KANSL1L: variants seen among roughly 807,000 people sequenced by gnomAD.
KANSL1L encodes KAT8 regulatory NSL complex subunit 1 like, also known as KAT8 regulatory NSL complex subunit 1-like protein.
KANSL1L carries 25 observed loss-of-function variants against 108.6 expected under a neutral mutation model. That is an observed-to-expected ratio of 0.23 (90% CI 0.17 to 0.32). The LOEUF (loss-of-function observed/expected upper bound fraction) is 0.32. Among genes scored for constraint, KANSL1L ranks in the 10% least tolerant of loss-of-function variants. The pLI, the probability that KANSL1L is intolerant of heterozygous loss-of-function variation, is 1.00. For missense variants in KANSL1L, 1,137 were observed against 1,125.7 expected (o/e 1.01, Z -0.14); for synonymous variants, 405 against 395.1 (o/e 1.03, Z -0.30).
At chr2:210,119,560 T>C (rs914899176) in intron 3 of KANSL1L, among the ~76,000 whole-genome samples, 2 of 152,134 alleles carry the variant, frequency 1.3e-5, no homozygotes, top group Admixed American at 6.5e-5. Context: ...ATCTGATAGA[T>C]CATATCAACA....
chr2:210,042,081 C>T (rs907082512), intron 7 of KANSL1L, among the ~76,000 whole-genome samples: 2 of 152,168 alleles, frequency 1.3e-5, no homozygotes, highest in Admixed American at 6.5e-5. Flanking sequence ...GAGAGTATCA[C>T]CAATTCTACC....
intron 2 of KANSL1L, among the ~76,000 whole-genome samples, chr2:210,148,712 A>G (rs1255389762): frequency 1.3e-5 from 2 of 152,206 alleles, no homozygotes; most frequent in African/African-American, 4.8e-5. Context: ...ATTGCCTACT[A>G]CATTTTTGGA....
chr2:210,023,903 A>G (rs940034275), intron 14 of KANSL1L, 130 bp downstream of exon 14: 7 of 546,914 alleles, frequency 1.3e-5, no homozygotes, highest in Admixed American at 7.8e-5. Flanking sequence ...TGCAATACAG[A>G]TCTTCTATAC....
chr2:210,144,779 T>G (rs1302050327), intron 2 of KANSL1L, among the ~76,000 whole-genome samples: 1 of 152,220 alleles, frequency 6.6e-6, no homozygotes, highest in Non-Finnish European at 1.5e-5. Context: ...CTTAAAAGAA[T>G]CATTTTGAAT....
chr2:210,168,979 T>C (rs1688162599), intron 1 of KANSL1L, among the ~76,000 whole-genome samples: 1 of 152,096 alleles, frequency 6.6e-6, no homozygotes, highest in Admixed American at 6.5e-5. Context: ...AAAAGATACA[T>C]CACAGATTAG....
At chr2:210,161,552 C>T (rs2095361580) in intron 1 of KANSL1L, among the ~76,000 whole-genome samples, 1 of 152,098 alleles carries the variant, frequency 6.6e-6, no homozygotes, top group Admixed American at 6.5e-5. Flanking sequence ...AAGCATTATT[C>T]ACAAAAAGTT....
rs537143351 is a variant in KANSL1L at position 210,144,904 on chromosome 2, C to T, written c.1088+8591G>A. ...GCTTTTCACGTTGCTTGTTACTTTG[C>T]ATTAATGTCTGCATAGTTGATGAAG... On this transcript the variant is annotated intron_variant, in intron 2 of 14. Transcript: ENST00000281772. 7.2e-5 allele frequency among the ~76,000 whole-genome samples: 11 copies of T among 152,222 alleles called. No homozygotes were observed. In the South Asian group the frequency reaches 2.3e-3, roughly 32 times the overall value.
intron 1 of KANSL1L, among the ~76,000 whole-genome samples, chr2:210,156,407 T>C (rs959281788): frequency 1.3e-5 from 2 of 152,038 alleles, no homozygotes; most frequent in Non-Finnish European, 2.9e-5. Flanking sequence ...TGGCAAAACA[T>C]CCTTTCAAAA....
chr2:210,056,957 T>C (rs1304611867), intron 6 of KANSL1L, among the ~76,000 whole-genome samples: 1 of 152,196 alleles, frequency 6.6e-6, no homozygotes, highest in Admixed American at 6.5e-5. Context: ...ACAAATTTCT[T>C]CAATCCCTGT....
intron 1 of KANSL1L, among the ~76,000 whole-genome samples, chr2:210,156,994 A>T (rs1208386007): frequency 6.6e-6 from 1 of 151,780 alleles, no homozygotes; most frequent in Non-Finnish European, 1.5e-5. Context: ...ATGCAAAAAA[A>T]AAAAGAAAAA....
chr2:210,123,089 G>A (rs979768461), intron 3 of KANSL1L, among the ~76,000 whole-genome samples: 2 of 152,080 alleles, frequency 1.3e-5, no homozygotes, highest in African/African-American at 4.8e-5. Flanking sequence ...ACTGGTGGTG[G>A]GAATGTATAT....
chr2:210,076,245 G>A (rs570113222), intron 5 of KANSL1L, among the ~76,000 whole-genome samples: 6 of 152,016 alleles, frequency 3.9e-5, no homozygotes, highest in South Asian at 2.1e-4. Context: ...GCAGTGGTGC[G>A]ATCTCGGTTC....
intron 3 of KANSL1L, among the ~76,000 whole-genome samples, chr2:210,126,453 A>C (rs1278092642): frequency 6.6e-6 from 1 of 152,154 alleles, no homozygotes; most frequent in East Asian, 1.9e-4. Flanking sequence ...TATAGACAGA[A>C]AAAAAACTTA....
chr2:210,098,745 A>G (rs1221253054), intron 4 of KANSL1L, among the ~76,000 whole-genome samples: 1 of 152,138 alleles, frequency 6.6e-6, no homozygotes, highest in Non-Finnish European at 1.5e-5. Flanking sequence ...ATGAAATAGA[A>G]CTAGGATTCA....
intron 6 of KANSL1L, among the ~76,000 whole-genome samples, chr2:210,065,240 G>A (rs909793753): frequency 1.9e-4 from 25 of 128,618 alleles, no homozygotes; most frequent in Non-Finnish European, 3.0e-4. Flanking sequence ...GCAGTGAGCC[G>A]AGATCGCACC....
chr2:210,036,745 C>A lies in KANSL1L; in HGVS notation c.2029+3675G>T, dbSNP rs533227081. ...GCATTCCCCTTAATTGTGTGCCTAACACGTTTAACTGCCTTATTTTATTTT... is the reference window on the plus strand; with the variant it reads ...GCATTCCCCTTAATTGTGTGCCTAAAACGTTTAACTGCCTTATTTTATTTT... On this transcript the variant is annotated intron_variant, in intron 8 of 14. Transcript: ENST00000281772. Among the ~76,000 whole-genome samples, 6 of 152,172 alleles carry A rather than the reference C, an allele frequency of 3.9e-5. No individual in the cohort carries two copies. The East Asian group carries it at 5.8e-4, about 15-fold the overall frequency.
Position 210,161,751 on chromosome 2 carries a change from T to C in KANSL1L, c.-29-7140A>G, listed in dbSNP as rs574421004. ...TTCAGATTAATGCTGAATAGTGGTT[T>C]TGACCATGACATAGCTTTAAATTTT... is the stretch of plus-strand genomic sequence containing the variant. On this transcript the variant is annotated intron_variant, in intron 1 of 14. Transcript: ENST00000281772. Among the ~76,000 whole-genome samples the C allele has an allele frequency of 6.4e-4, 97 of 152,348 alleles. 3 individuals carry two copies. In the South Asian group the frequency reaches 0.019, roughly 30 times the overall value.
chr2:210,146,721 A>C (rs17819983), intron 2 of KANSL1L, among the ~76,000 whole-genome samples: 72,255 of 152,034 alleles, frequency 0.48, 19,686 homozygotes, highest in Middle Eastern at 0.61. Context: ...TATTTACTTG[A>C]TCATCCTCAG....
chr2:210,023,506 T>C (rs1207668327), intron 14 of KANSL1L, among the ~76,000 whole-genome samples: 1 of 152,236 alleles, frequency 6.6e-6, no homozygotes, highest in East Asian at 1.9e-4. Flanking sequence ...ATTTTCATTA[T>C]TAAAGGTACC....
Sources: gnomAD v4.1 joint callset for allele counts (sites outside exome capture counted in the v4.1 genomes callset) on GRCh38, gnomAD v4.1.1 for gene constraint, MANE v1.5 for transcripts, NCBI Gene and HGNC (gene_info 2026-07-23, HGNC 2026-07-21) for gene names.